PTPRD: variants seen among roughly 807,000 people sequenced by gnomAD.
PTPRD encodes the protein receptor-type tyrosine-protein phosphatase delta.
Under a neutral mutation model 214.5 loss-of-function variants are expected in PTPRD, and 34 were observed. The ratio of observed to expected loss-of-function variants is 0.16; its 90% CI spans 0.12 to 0.21. PTPRD has a LOEUF of 0.21. Ranked by LOEUF, PTPRD falls within the 10% of genes least tolerant of loss-of-function variation. The pLI, the probability that PTPRD is intolerant of heterozygous loss-of-function variation, is 1.00. For missense variants in PTPRD, 2,545 were observed against 2,398.7 expected (o/e 1.06, Z -1.27); for synonymous variants, 1,128 against 845.7 (o/e 1.33, Z -5.79).
At chr9:10,349,050 A>C (rs1002140067) in intron 2 of PTPRD, among the ~76,000 whole-genome samples, 1 of 152,088 alleles carries the variant, frequency 6.6e-6, no homozygotes, top group African/African-American at 2.4e-5. Context: ...AAACAAATGC[A>C]TATCTGATTG....
intron 5 of PTPRD, among the ~76,000 whole-genome samples, chr9:9,782,830 C>T (rs990487407): frequency 2.6e-5 from 4 of 152,254 alleles, no homozygotes; most frequent in South Asian, 2.1e-4. Context: ...ACCCACAAAA[C>T]GAAAGTTCAT....
intron 10 of PTPRD, among the ~76,000 whole-genome samples, chr9:9,098,290 GT>G (rs1387719100): frequency 2.0e-5 from 3 of 151,862 alleles, no homozygotes; most frequent in African/African-American, 7.3e-5. Context: ...TTTTGTTGTT[GT>G]TGTTTCCCGG....
chr9:9,750,030 T>C (rs1596678050), intron 6 of PTPRD, among the ~76,000 whole-genome samples: 1 of 152,122 alleles, frequency 6.6e-6, no homozygotes, highest in Middle Eastern at 3.2e-3. Context: ...AGATGGGTAT[T>C]TTAATTGAAA....
At chr9:9,996,825 GAAC>G (rs1460930413) in intron 4 of PTPRD, among the ~76,000 whole-genome samples, 1 of 152,058 alleles carries the variant, frequency 6.6e-6, no homozygotes, top group Non-Finnish European at 1.5e-5. Flanking sequence ...ATATTAAGAA[GAAC>G]AACAAGACAA....
chr9:10,013,585 GA>G (rs1027918106), intron 4 of PTPRD, among the ~76,000 whole-genome samples: 61 of 144,636 alleles, frequency 4.2e-4, no homozygotes, highest in Non-Finnish European at 3.4e-4. Flanking sequence ...TGTAGTAGCT[GA>G]AAAAAAAAAT....
At chr9:8,790,180 TA>T (rs1309207978) in intron 11 of PTPRD, among the ~76,000 whole-genome samples, 24 of 151,798 alleles carry the variant, frequency 1.6e-4, no homozygotes, top group East Asian at 3.9e-4. Context: ...CTATGCCTAA[TA>T]TTTTTTTTAT....
At position 8,834,450 on chromosome 9, in the gene PTPRD, A is replaced by C. The variant is rs553589287; in HGVS notation, c.-103-100504T>G. The stretch of plus-strand genomic sequence containing the variant: ...TAACCTGTTTTTGTTTATTTCATAA[A>C]AAATGTTATTAACAACTACTTGTTC... On this transcript the variant is annotated intron_variant, in intron 11 of 45. Transcript: ENST00000381196. Among the ~76,000 whole-genome samples the C allele has an allele frequency of 1.5e-4, 23 of 152,276 alleles. No homozygotes were observed. The South Asian group carries it at 4.3e-3, about 29-fold the overall frequency.
chr9:8,632,382 C>G (rs567396884), intron 14 of PTPRD, among the ~76,000 whole-genome samples: 1 of 151,990 alleles, frequency 6.6e-6, no homozygotes, highest in Non-Finnish European at 1.5e-5. Flanking sequence ...ACTTAATCTA[C>G]ATAAGTTCCT....
intron 7 of PTPRD, among the ~76,000 whole-genome samples, chr9:9,609,517 C>T (rs937943067): frequency 1.3e-5 from 2 of 152,176 alleles, no homozygotes; most frequent in Non-Finnish European, 1.5e-5. Context: ...GGGTAGAGTG[C>T]AGTGGTGCAA....
chr9:9,842,506 G>C (rs528653069), intron 5 of PTPRD, among the ~76,000 whole-genome samples: 5 of 151,490 alleles, frequency 3.3e-5, no homozygotes, highest in Admixed American at 2.6e-4. Context: ...AAGAGAGTGT[G>C]GGAGGGAAGA....
intron 6 of PTPRD, among the ~76,000 whole-genome samples, chr9:9,746,265 G>A (rs1325518864): frequency 6.6e-6 from 1 of 152,088 alleles, no homozygotes; most frequent in African/African-American, 2.4e-5. Flanking sequence ...AAACTTTTTA[G>A]AAGGGTTTCA....
At chr9:10,147,014 G>A (rs1010954258) in intron 3 of PTPRD, among the ~76,000 whole-genome samples, 1 of 152,114 alleles carries the variant, frequency 6.6e-6, no homozygotes, top group Non-Finnish European at 1.5e-5. Flanking sequence ...GGGCACAGCC[G>A]ATGGAATATT....
intron 8 of PTPRD, among the ~76,000 whole-genome samples, chr9:9,480,559 C>A (rs552171526): frequency 2.6e-5 from 4 of 152,090 alleles, no homozygotes; most frequent in African/African-American, 9.6e-5. Flanking sequence ...TGTTAGATTT[C>A]AAAGTTTGTA....
chr9:9,145,821 A>C (rs1263992100), intron 10 of PTPRD, among the ~76,000 whole-genome samples: 1 of 152,198 alleles, frequency 6.6e-6, no homozygotes, highest in Non-Finnish European at 1.5e-5. Flanking sequence ...CTAGTACCTG[A>C]CTACGATTCC....
intron 11 of PTPRD, among the ~76,000 whole-genome samples, chr9:8,971,374 A>G (rs1265515532): frequency 1.3e-5 from 2 of 151,824 alleles, no homozygotes; most frequent in South Asian, 2.1e-4. Flanking sequence ...TTCAAAGTCA[A>G]TATAATACAG....
intron 6 of PTPRD, among the ~76,000 whole-genome samples, chr9:9,744,222 T>C (rs1169261488): frequency 2.0e-5 from 3 of 152,124 alleles, no homozygotes; most frequent in Non-Finnish European, 4.4e-5. Flanking sequence ...AGGAGATTCG[T>C]GCAATTATCT....
At chr9:9,933,169 C>G (rs200274519) in intron 5 of PTPRD, among the ~76,000 whole-genome samples, 26,633 of 142,884 alleles carry the variant, frequency 0.19, no homozygotes, top group South Asian at 0.21. Flanking sequence ...ACTGCATCAA[C>G]TAACGTGCAA....
At chr9:9,497,418 C>T (rs996785335) in intron 8 of PTPRD, among the ~76,000 whole-genome samples, 3 of 152,038 alleles carry the variant, frequency 2.0e-5, no homozygotes, top group African/African-American at 7.2e-5. Context: ...ATTCAAGAGT[C>T]TTTTAGTTAT....
chr9:9,144,965 G>T (rs1447605369), intron 10 of PTPRD, among the ~76,000 whole-genome samples: 1 of 152,112 alleles, frequency 6.6e-6, no homozygotes, highest in Non-Finnish European at 1.5e-5. Flanking sequence ...CAGTTTAAAG[G>T]TATTCTGAAA....
Sources: gnomAD v4.1 joint callset for allele counts (sites outside exome capture counted in the v4.1 genomes callset) on GRCh38, gnomAD v4.1.1 for gene constraint, MANE v1.5 for transcripts, NCBI Gene and HGNC (gene_info 2026-07-23, HGNC 2026-07-21) for gene names.